The following SLC5A10 variants were observed in gnomAD, a reference collection of about 807,000 sequenced individuals.
SLC5A10 encodes sodium/mannose cotransporter SLC5A10.
A neutral mutation model predicts 68.9 loss-of-function variants in SLC5A10; 55 were observed. The ratio of observed to expected loss-of-function variants is 0.80; its 90% CI spans 0.64 to 1.00. The LOEUF (loss-of-function observed/expected upper bound fraction) is 1.00. Among genes scored for constraint, SLC5A10 ranks in the 50% least tolerant of loss-of-function variants. The pLI is 0.00. For synonymous variants in SLC5A10, 344 were observed against 344.8 expected, an observed-to-expected ratio of 1.00 and a Z score of 0.02; for missense variants, 732 against 819.3, an observed-to-expected ratio of 0.89 and a Z score of 1.30.
Position 18,971,164 on chromosome 17 carries a change from CG to C in SLC5A10, c.795del (p.Met266Ter). The C allele has an allele frequency of 6.2e-7, 1 of 1,614,088 alleles. No individual in the cohort carries two copies. The highest frequency in any genetic ancestry group is 8.5e-7 in the Non-Finnish European group (1 of 1,180,042). On this transcript the variant is annotated frameshift_variant, in exon 8 of 15. Coordinates refer to ENST00000395645, the MANE Select transcript of SLC5A10 (RefSeq NM_001042450.4). LOFTEE classifies it high-confidence loss of function. The surrounding 1 kb of genome is among the most constrained non-coding windows in gnomAD (Gnocchi z 5.5). Reference sequence around the variant, plus strand: ...CCCACACAGGGGACCTGCCGTGGACCGGGATGACCTTTGGCCTGACCATCAT... The same window carrying C: ...CCCACACAGGGGACCTGCCGTGGACCGGATGACCTTTGGCCTGACCATCAT... ...DPHTGDLPWTGMTFGLTIMAT... is the reference protein window; with the variant it reads ...DPHTGDLPWTXMTFGLTIMAT...
intron 9 of SLC5A10, among the ~76,000 whole-genome samples, chr17:18,991,782 G>A (rs1303434076): frequency 6.6e-6 from 1 of 152,238 alleles, no homozygotes; most frequent in Non-Finnish European, 1.5e-5. Context: ...GCTCCCAAGT[G>A]AAGGAGGGAG....
chr17:18,983,184 G>A (rs576505036), intron 9 of SLC5A10, among the ~76,000 whole-genome samples: 1 of 152,368 alleles, frequency 6.6e-6, no homozygotes, highest in African/African-American at 2.4e-5. Flanking sequence ...GGGCTGGGCC[G>A]GGACTGAGGA....
At chr17:18,980,960 CG>C (rs1567793002) in intron 9 of SLC5A10, among the ~76,000 whole-genome samples, 1 of 152,174 alleles carries the variant, frequency 6.6e-6, no homozygotes, top group East Asian at 1.9e-4. Context: ...TTCTGGCTCT[CG>C]GCTATGACGT....
chr17:19,000,643 A>G lies in SLC5A10; in HGVS notation c.983-12767A>G, dbSNP rs1029238506. On this transcript the variant is annotated intron_variant, in intron 9 of 14. Coordinates refer to ENST00000395645, the MANE Select transcript of SLC5A10 (RefSeq NM_001042450.4). This position sits in a 1 kb window ranked among gnomAD's most constrained non-coding sequence, Gnocchi z 5.2. The stretch of plus-strand genomic sequence containing the variant: ...GGCTGGGCTGTCCTGACTCAGCCCC[A>G]GCAGCCCCAGCCTAAAGCCCCCGGT... 2.0e-5 allele frequency among the ~76,000 whole-genome samples: 3 copies of G among 152,154 alleles called. No individual in the cohort carries two copies. Among genetic ancestry groups the G allele is most frequent in the African/African-American group, 7.2e-5 (3 of 41,454 alleles).
At chr17:19,015,300 G>T in intron 11 of SLC5A10, 101 bp downstream of exon 11, 2 of 822,564 alleles carry the variant, frequency 2.4e-6, no homozygotes, top group Non-Finnish European at 3.7e-6. Context: ...TTAGAGAAAG[G>T]TGGATGCCAG....
At chr17:19,010,176 C>A (rs2043984620) in intron 9 of SLC5A10, among the ~76,000 whole-genome samples, 1 of 151,772 alleles carries the variant, frequency 6.6e-6, no homozygotes, top group African/African-American at 2.4e-5. Flanking sequence ...TTCGAAGTTC[C>A]CTTTGCTTGC....
rs544507188 is a variant in SLC5A10, at chr17:18,963,575, T to A, written c.453+2923T>A. On this transcript the variant is annotated intron_variant, in intron 5 of 14. Coordinates refer to ENST00000395645, the MANE Select transcript of SLC5A10 (RefSeq NM_001042450.4). ...CTGGGGCTACCCTGGCTGTTTGAAG[T>A]GCACGCGCCCAGGCGGTCCCCAGAG... Among the ~76,000 whole-genome samples, 6 of 152,354 alleles carry A rather than the reference T, an allele frequency of 3.9e-5. No individual in the cohort carries two copies. In the East Asian group the frequency reaches 9.6e-4, roughly 24 times the overall value.
At chr17:18,986,829 C>T (rs1411345167) in intron 9 of SLC5A10, among the ~76,000 whole-genome samples, 2 of 152,230 alleles carry the variant, frequency 1.3e-5, no homozygotes, top group African/African-American at 2.4e-5. Flanking sequence ...TCCTGGGCAT[C>T]GGGCAGGGCC....
chr17:19,019,917 CAG>C lies in SLC5A10; in HGVS notation c.1618_1619del (p.Ser540CysfsTer4), dbSNP rs760981630. On this transcript the variant is annotated frameshift_variant, in exon 13 of 15. Transcript: ENST00000395645. LOFTEE classifies it high-confidence loss of function. ...VAGSLLTPPP[Q>X]SVQIENLTWW... ...TGGAAGCCTGCTGACCCCACCCCCA[CAG>C]AGTGTCCAGGTGAGCCAGCCCTGAC... 1 of 1,606,128 alleles carries C rather than the reference CAG, an allele frequency of 6.2e-7. No homozygotes were observed. The highest frequency in any genetic ancestry group is 8.5e-7 in the Non-Finnish European group (1 of 1,177,240).
rs368323315 is a variant in SLC5A10 at position 19,020,724 on chromosome 17, A to G, written c.*293A>G. ...TTTACTGTTTTCGTTTTGAATACAC[A>G]GGCTGGGTCAGGAGCAGTGAGATTT... On this transcript the variant is annotated 3_prime_UTR_variant, in exon 15 of 15. Transcript: ENST00000395645. The G allele has an allele frequency of 2.9e-5, 12 of 419,688 alleles. No homozygotes were observed. The East Asian group carries it at 6.0e-4, about 21-fold the overall frequency. 26.0% of individuals were successfully genotyped at this position (419,688 alleles called of 1,614,324 possible).
chr17:18,962,804 G>A (rs1317066363), intron 5 of SLC5A10, among the ~76,000 whole-genome samples: 1 of 152,106 alleles, frequency 6.6e-6, no homozygotes, highest in Non-Finnish European at 1.5e-5. Flanking sequence ...GAGGGAGGGA[G>A]ACTGAGCCAT....
chr17:19,019,920 AGT>A lies in SLC5A10; in HGVS notation c.1621_1622del (p.Val541ProfsTer3). Reference protein sequence around the residue: ...AGSLLTPPPQSVQIENLTWWT... With the variant: ...AGSLLTPPPQXVQIENLTWWT... The stretch of plus-strand genomic sequence containing the variant: ...AAGCCTGCTGACCCCACCCCCACAG[AGT>A]GTCCAGGTGAGCCAGCCCTGACCCC... On this transcript the variant is annotated frameshift_variant, in exon 13 of 15. Transcript: ENST00000395645. LOFTEE classifies it high-confidence loss of function. 6.2e-7 allele frequency: 1 copy of A among 1,605,854 alleles called. No homozygotes were observed. Among genetic ancestry groups the A allele is most frequent in the Non-Finnish European group, 8.5e-7 (1 of 1,177,150 alleles).
chr17:18,966,543 C>G (rs1438848194), intron 5 of SLC5A10, among the ~76,000 whole-genome samples: 1 of 152,106 alleles, frequency 6.6e-6, no homozygotes, highest in African/African-American at 2.4e-5. Context: ...GTGGGTGGAT[C>G]ACCTGAGGTC....
intron 8 of SLC5A10, among the ~76,000 whole-genome samples, chr17:18,974,963 T>C (rs1466653838): frequency 6.6e-6 from 1 of 152,142 alleles, no homozygotes; most frequent in African/African-American, 2.4e-5. Context: ...CCCTGCCCTA[T>C]TCAGGGGGAC....
In SLC5A10 at chr17:19,020,553, C is replaced by T. The variant is rs1400429725; in HGVS notation, c.*122C>T. 4.4e-6 allele frequency: 4 copies of T among 908,460 alleles called. No individual in the cohort carries two copies. The highest frequency in any genetic ancestry group is 6.6e-6 in the Non-Finnish European group (4 of 605,768). 56.3% of individuals were successfully genotyped at this position (908,460 alleles called of 1,614,324 possible). A position where few individuals can be genotyped will look rare whatever the true frequency, so the allele number is the denominator to read the frequency against. On this transcript the variant is annotated 3_prime_UTR_variant, in exon 15 of 15. Transcript: ENST00000395645. Reference sequence around the variant, plus strand: ...CTCACAGCTGCACAGCAGCTCGGTGCCCAAGAACTGGCCAAGCCAGCAAAG... The same window carrying T: ...CTCACAGCTGCACAGCAGCTCGGTGTCCAAGAACTGGCCAAGCCAGCAAAG...
chr17:18,973,884 GTT>G (rs35778801), intron 8 of SLC5A10, among the ~76,000 whole-genome samples: 2 of 95,726 alleles, frequency 2.1e-5, no homozygotes, highest in African/African-American at 4.0e-5. Context: ...TTTTTTTTAA[GTT>G]TTTTTTTTTT....
rs58133737 is a variant in SLC5A10, at chr17:18,976,187, C to CAAAAAAAAAAAAAAAAAAAAAAAAA, written c.847-658_847-657insAAAAAAAAAAAAAAAAAAAAAAAAA. The CAAAAAAAAAAAAAAAAAAAAAAAAA allele has an allele frequency of 1.8e-5, 2 of 108,466 alleles. 1 individual carries two copies. The allele number at this position is 108,466 out of a possible 1,614,324, so 6.7% of individuals were successfully genotyped here. A position where few individuals can be genotyped will look rare whatever the true frequency, so the allele number is the denominator to read the frequency against. ...TGGGCGACAGAGCAAGACTCCGACT[C>CAAAAAAAAAAAAAAAAAAAAAAAAA]AAAAAAAAAGTAACTCTTTTGAAGT... On this transcript the variant is annotated intron_variant, in intron 8 of 14. Coordinates refer to ENST00000395645, the MANE Select transcript of SLC5A10 (RefSeq NM_001042450.4).
chr17:18,971,611 G>A lies in SLC5A10; in HGVS notation c.846+393G>A, dbSNP rs1268287448. The A allele has an allele frequency of 1.2e-6, 2 of 1,613,470 alleles. No homozygotes were observed. Among genetic ancestry groups the A allele is most frequent in the Middle Eastern group, 1.6e-4 (1 of 6,062 alleles). The stretch of plus-strand genomic sequence containing the variant: ...CTCCCTTGGCCTGCCAGTGGTGGGG[G>A]CCAGCCATGGCTGGGCCAGCGTTTC... On this transcript the variant is annotated intron_variant, in intron 8 of 14. Transcript: ENST00000395645. This position sits in a 1 kb window ranked among gnomAD's most constrained non-coding sequence, Gnocchi z 5.5.
chr17:18,968,546 T>C lies in SLC5A10; in HGVS notation c.454-506T>C, dbSNP rs985470216. Among the ~76,000 whole-genome samples the C allele has an allele frequency of 1.3e-5, 2 of 152,176 alleles. No homozygotes were observed. The highest frequency in any genetic ancestry group is 2.4e-5 in the African/African-American group (1 of 41,426). The stretch of plus-strand genomic sequence containing the variant: ...CTGAGACCCAGCCTCTGAGCCACTA[T>C]TGGCTTCAGTTCCAAACCCACTGGG... On this transcript the variant is annotated intron_variant, in intron 5 of 14. Transcript: ENST00000395645. The surrounding 1 kb of genome is among the most constrained non-coding windows in gnomAD (Gnocchi z 4.1).
Sources: gnomAD v4.1 joint callset for allele counts (sites outside exome capture counted in the v4.1 genomes callset) on GRCh38, gnomAD v4.1.1 for gene constraint, Gnocchi (gnomAD v3.1) non-coding constraint, MANE v1.5 for transcripts, NCBI Gene and HGNC (gene_info 2026-07-23, HGNC 2026-07-21) for gene names.